MBNL1: variants seen among roughly 807,000 people sequenced by gnomAD.
The protein encoded by MBNL1 is muscleblind like splicing regulator 1, also known as muscleblind-like protein 1.
MBNL1 carries 8 observed loss-of-function variants against 42.2 expected under a neutral mutation model. The observed-to-expected ratio is 0.19, with a 90% CI of 0.11 to 0.34. The LOEUF is 0.34. MBNL1 is among the 10% of genes least tolerant of loss of function. The pLI, the probability that MBNL1 is intolerant of heterozygous loss-of-function variation, is 1.00. For missense variants in MBNL1, 309 were observed against 495.3 expected, an observed-to-expected ratio of 0.62 and a Z score of 3.57; for synonymous variants, 169 against 173.9, an observed-to-expected ratio of 0.97 and a Z score of 0.22.
chr3:152,462,429 G>GACGA lies in MBNL1; in HGVS notation c.*64_*67dup, dbSNP rs1453739664. ...GACAGTGTGCTTGGTTAGAGTAAAG[G>GACGA]ACGAGGTCATTAGCCATATTGTATA... On this transcript the variant is annotated 3_prime_UTR_variant, in exon 10 of 10. Transcript: ENST00000324210. The GACGA allele has an allele frequency of 2.0e-5, 3 of 152,098 alleles. No individual in the cohort carries two copies. The highest frequency in any genetic ancestry group is 4.4e-5 in the Non-Finnish European group (3 of 68,006). The allele number at this position is 152,098 out of a possible 1,614,324, so 9.4% of individuals were successfully genotyped here. A position where few individuals can be genotyped will look rare whatever the true frequency, so the allele number is the denominator to read the frequency against.
At position 152,292,824 on chromosome 3, in the gene MBNL1, A is replaced by C. The variant is rs564162153; in HGVS notation, c.-789-6581A>C. Among the ~76,000 whole-genome samples the C allele has an allele frequency of 4.6e-5, 7 of 150,702 alleles. No homozygotes were observed. In the South Asian group the frequency reaches 1.5e-3, roughly 31 times the overall value. On this transcript the variant is annotated intron_variant, in intron 1 of 9. Coordinates refer to ENST00000324210, the MANE Select transcript of MBNL1 (RefSeq NM_021038.5). ...TACTCTGTTGCCCAGGTTGGAGTGC[A>C]GTGGTGTGATCATGGCTTACTGCAG...
At position 152,370,226 on chromosome 3, in the gene MBNL1, A is replaced by T. The variant is rs575053700; in HGVS notation, c.175-44715A>T. On this transcript the variant is annotated intron_variant, in intron 2 of 9. Coordinates refer to ENST00000324210, the MANE Select transcript of MBNL1 (RefSeq NM_021038.5). ...TTGTGTGTTCTCATTGGTTTCAAAGAACTTATTTATTTCTGCCTTAATTTC... is the reference window on the plus strand; with the variant it reads ...TTGTGTGTTCTCATTGGTTTCAAAGTACTTATTTATTTCTGCCTTAATTTC... Among the ~76,000 whole-genome samples the T allele has an allele frequency of 7.2e-5, 11 of 152,242 alleles. No individual in the cohort carries two copies. In the South Asian group the frequency reaches 2.1e-3, roughly 29 times the overall value.
At chr3:152,327,882 T>C (rs1208788156) in intron 2 of MBNL1, among the ~76,000 whole-genome samples, 1 of 152,008 alleles carries the variant, frequency 6.6e-6, no homozygotes, top group East Asian at 1.9e-4. Context: ...TAAAGGAATT[T>C]GGAAGTTAAG....
At chr3:152,293,713 A>G (rs1415094439) in intron 1 of MBNL1, among the ~76,000 whole-genome samples, 1 of 152,224 alleles carries the variant, frequency 6.6e-6, no homozygotes, top group African/African-American at 2.4e-5. Flanking sequence ...TTAAAAGCAT[A>G]TTAAATAAAA....
chr3:152,394,460 A>AT (rs1442837498), intron 2 of MBNL1, among the ~76,000 whole-genome samples: 1 of 152,234 alleles, frequency 6.6e-6, no homozygotes, highest in Non-Finnish European at 1.5e-5. Context: ...TGACACCTTA[A>AT]TTGTTCTGTG....
chr3:152,294,582 C>T (rs903487977), intron 1 of MBNL1, among the ~76,000 whole-genome samples: 1 of 152,030 alleles, frequency 6.6e-6, no homozygotes, highest in African/African-American at 2.4e-5. Flanking sequence ...CCGTGCCCGG[C>T]CTTAAGTTTG....
chr3:152,441,511 G>C (rs933189858), intron 4 of MBNL1, among the ~76,000 whole-genome samples: 1 of 152,012 alleles, frequency 6.6e-6, no homozygotes, highest in Non-Finnish European at 1.5e-5. Flanking sequence ...TTGTCTGTCC[G>C]CTATATTATT....
intron 3 of MBNL1, among the ~76,000 whole-genome samples, chr3:152,428,280 C>T (rs571457070): frequency 7.2e-5 from 11 of 152,234 alleles, no homozygotes; most frequent in African/African-American, 1.9e-4. Context: ...AGATGCTAAA[C>T]GCAGCGTATA....
chr3:152,446,519 G>A (rs1044154835), intron 5 of MBNL1, among the ~76,000 whole-genome samples: 1 of 151,286 alleles, frequency 6.6e-6, no homozygotes, highest in African/African-American at 2.4e-5. Flanking sequence ...TGCCTTTATT[G>A]TGCATGCTTA....
chr3:152,377,423 C>T (rs1378201289), intron 2 of MBNL1, among the ~76,000 whole-genome samples: 4 of 152,176 alleles, frequency 2.6e-5, no homozygotes, highest in African/African-American at 9.7e-5. Context: ...AACACCTCCA[C>T]TCGTCAGCCA....
chr3:152,361,971 G>A (rs1266404774), intron 2 of MBNL1, among the ~76,000 whole-genome samples: 2 of 152,180 alleles, frequency 1.3e-5, no homozygotes, highest in African/African-American at 4.8e-5. Context: ...CAAGGAGTTA[G>A]TAGTTTCTGC....
At chr3:152,447,038 G>A (rs541378149) in intron 5 of MBNL1, among the ~76,000 whole-genome samples, 412 of 152,270 alleles carry the variant, frequency 2.7e-3, no homozygotes, top group Middle Eastern at 0.01. Context: ...GACATAAAGA[G>A]TGTATTTTTG....
chr3:152,433,564 C>T (rs2099035441), intron 4 of MBNL1, among the ~76,000 whole-genome samples: 1 of 151,872 alleles, frequency 6.6e-6, no homozygotes, highest in Admixed American at 6.6e-5. Flanking sequence ...TCCTGGCTAA[C>T]ACGGTGAAAC....
chr3:152,276,305 T>C (rs945511298), intron 1 of MBNL1, among the ~76,000 whole-genome samples: 1 of 152,180 alleles, frequency 6.6e-6, no homozygotes, highest in Non-Finnish European at 1.5e-5. Flanking sequence ...AATTCATTTA[T>C]TCCTCAGAAC....
At chr3:152,297,812 C>T (rs1272866386) in intron 1 of MBNL1, among the ~76,000 whole-genome samples, 10 of 151,912 alleles carry the variant, frequency 6.6e-5, no homozygotes, top group South Asian at 2.1e-4. Flanking sequence ...GCCACCACCA[C>T]GCCCAGCTAA....
chr3:152,419,445 G>C (rs897826626), intron 3 of MBNL1, among the ~76,000 whole-genome samples: 1 of 152,110 alleles, frequency 6.6e-6, no homozygotes, highest in African/African-American at 2.4e-5. Context: ...GCATGGTAGG[G>C]TGTCACCTCA....
intron 2 of MBNL1, 79 bp from the exon 3 acceptor site, chr3:152,414,862 T>TA: frequency 7.3e-7 from 1 of 1,371,334 alleles, no homozygotes; most frequent in South Asian, 1.2e-5. Flanking sequence ...TTCAAGTGGG[T>TA]GGTTTGCATT....
intron 2 of MBNL1, among the ~76,000 whole-genome samples, chr3:152,401,589 A>G (rs953161548): frequency 6.6e-6 from 1 of 152,136 alleles, no homozygotes; most frequent in African/African-American, 2.4e-5. Flanking sequence ...GGGAGTTTTG[A>G]GTACCTGCAT....
At chr3:152,401,686 T>G (rs2153554463) in intron 2 of MBNL1, among the ~76,000 whole-genome samples, 1 of 152,230 alleles carries the variant, frequency 6.6e-6, no homozygotes, top group South Asian at 2.1e-4. Flanking sequence ...TGCACTAAAC[T>G]ATACTATAGT....
Sources: gnomAD v4.1 joint callset for allele counts (sites outside exome capture counted in the v4.1 genomes callset) on GRCh38, gnomAD v4.1.1 for gene constraint, MANE v1.5 for transcripts, NCBI Gene and HGNC (gene_info 2026-07-23, HGNC 2026-07-21) for gene names.